Variants in NAV1 observed in about 807,000 individuals in gnomAD.
NAV1 encodes pore membrane and/or filament interacting like protein 3.
NAV1 carries 18 observed loss-of-function variants against 175.2 expected under a neutral mutation model. That is an observed-to-expected ratio of 0.10 (90% CI 0.07 to 0.15). The LOEUF is 0.15. Among genes scored for constraint, NAV1 ranks in the 10% least tolerant of loss-of-function variants. The pLI, the probability that NAV1 is intolerant of heterozygous loss-of-function variation, is 1.00. For synonymous variants in NAV1, 897 were observed against 978.7 expected (o/e 0.92, Z 1.56); for missense variants, 1,731 against 2,436.6 (o/e 0.71, Z 6.10).
intron 1 of NAV1, among the ~76,000 whole-genome samples, chr1:201,588,313 G>A (rs896537679): frequency 3.3e-5 from 5 of 152,080 alleles, no homozygotes; most frequent in Admixed American, 6.6e-5. Context: ...ATACACAAAA[G>A]CCCACGTATT....
chr1:201,641,894 C>T (rs1325135061), intron 2 of NAV1, among the ~76,000 whole-genome samples: 1 of 152,148 alleles, frequency 6.6e-6, no homozygotes. Context: ...ATCTCCCCTT[C>T]TCCCAAGGTC....
In NAV1 at chr1:201,771,163, C is replaced by T. The variant is rs148944627; in HGVS notation, c.1227-9258C>T. Among the ~76,000 whole-genome samples, 111 of 148,314 alleles carry T rather than the reference C, an allele frequency of 7.5e-4. 1 individual carries two copies. Among genetic ancestry groups the T allele is most frequent in the African/African-American group, 2.7e-3 (106 of 39,990 alleles). On this transcript the variant is annotated intron_variant, in intron 3 of 29. Transcript: ENST00000367296. The stretch of plus-strand genomic sequence containing the variant: ...CCTGCCCTCAAAACATCTGGTGACC[C>T]GGGAGGCAGAGCTTGCAGTGAGCCG...
intron 1 of NAV1, among the ~76,000 whole-genome samples, chr1:201,624,605 C>T (rs1419842106): frequency 1.3e-5 from 2 of 151,952 alleles, no homozygotes; most frequent in African/African-American, 4.8e-5. Flanking sequence ...CTCAGCCTCC[C>T]AAAGTGCTGG....
chr1:201,611,244 C>T (rs1667836754), intron 2 of NAV1, among the ~76,000 whole-genome samples: 1 of 152,120 alleles, frequency 6.6e-6, no homozygotes, highest in South Asian at 2.1e-4. Context: ...AGCTGAATGG[C>T]CCCCAGCTGG....
At position 201,649,269 on chromosome 1, in the gene NAV1, G is replaced by A. The variant is rs753588783; in HGVS notation, c.601G>A (p.Asp201Asn). 6 of 1,613,168 alleles carry A rather than the reference G, an allele frequency of 3.7e-6. No homozygotes were observed. Among genetic ancestry groups the A allele is most frequent in the South Asian group, 1.1e-5 (1 of 91,080 alleles). ...CGTGAGCGAAGATGGCAAATCGGACGACGAGCTGCTCTCCAGCAAGGCCAA... is the reference window on the plus strand; with the variant it reads ...CGTGAGCGAAGATGGCAAATCGGACAACGAGCTGCTCTCCAGCAAGGCCAA... Residue 201 changes from aspartate (D) to asparagine (N), a missense_variant, in exon 1 of 30, where the codon GAC (aspartate) becomes AAC (asparagine). This residue lies in a region of NAV1 where 487 missense variants were observed against 581.3 expected (regional missense o/e 0.84). Coordinates refer to ENST00000367296, the Ensembl canonical transcript of NAV1.
chr1:201,736,703 C>G (rs1303911279), intron 3 of NAV1, among the ~76,000 whole-genome samples: 1 of 152,164 alleles, frequency 6.6e-6, no homozygotes, highest in Non-Finnish European at 1.5e-5. Context: ...TTGTAAAGAG[C>G]TGCTGTGAGA....
In NAV1 at chr1:201,700,645, T is replaced by C. The variant is rs79133242; in HGVS notation, c.758-12172T>C. ...AAAGACACATGCACACATATGTTTA[T>C]TGTGGCACTATTCACAATAGCAAAG... On this transcript the variant is annotated intron_variant, in intron 1 of 29. Transcript: ENST00000367296. 3.3e-3 allele frequency among the ~76,000 whole-genome samples: 504 copies of C among 152,340 alleles called. 3 individuals are homozygous for C. In the East Asian group the frequency reaches 0.039, roughly 12 times the overall value.
chr1:201,628,389 G>A (rs755827328), intron 1 of NAV1, among the ~76,000 whole-genome samples: 2 of 152,146 alleles, frequency 1.3e-5, no homozygotes, highest in Admixed American at 6.5e-5. Context: ...GCCTTGAGGG[G>A]CATCTTTTCA....
upstream of NAV1, among the ~76,000 whole-genome samples, chr1:201,644,446 AG>A (rs752968324): frequency 1.2e-4 from 18 of 152,246 alleles, no homozygotes; most frequent in Non-Finnish European, 2.5e-4. Flanking sequence ...GGATGTGAAA[AG>A]AATCAAAAAA....
intron 1 of NAV1, among the ~76,000 whole-genome samples, chr1:201,584,759 G>A (rs16849058): frequency 0.048 from 7,344 of 152,264 alleles, 203 homozygotes; most frequent in Middle Eastern, 0.071. Flanking sequence ...CTCCACCAAG[G>A]CCTGGATTCT....
At chr1:201,629,191 C>G (rs1423546008) in intron 1 of NAV1, among the ~76,000 whole-genome samples, 1 of 152,216 alleles carries the variant, frequency 6.6e-6, no homozygotes, top group Non-Finnish European at 1.5e-5. Flanking sequence ...TCCTCTGGGG[C>G]TCCCTGCCTG....
At chr1:201,701,009 C>CAAAAAAAAAAAAAAAAAAAAA (rs386369321) in intron 1 of NAV1, among the ~76,000 whole-genome samples, 1 of 52,764 alleles carries the variant, frequency 1.9e-5, no homozygotes, top group Admixed American at 3.3e-4. Context: ...GACTCTGTCT[C>CAAAAAAAAAAAAAAAAAAAAA]AAAAAAAAAA....
At chr1:201,667,415 G>A (rs1571873089) in intron 1 of NAV1, among the ~76,000 whole-genome samples, 1 of 152,168 alleles carries the variant, frequency 6.6e-6, no homozygotes, top group Non-Finnish European at 1.5e-5. Flanking sequence ...GACCATGTCA[G>A]AGCCAGGTGG....
chr1:201,629,731 T>C (rs1158317954), intron 2 of NAV1, among the ~76,000 whole-genome samples: 1 of 152,184 alleles, frequency 6.6e-6, no homozygotes, highest in Non-Finnish European at 1.5e-5. Flanking sequence ...GGCCAGGGGA[T>C]GCCCAGGCTA....
chr1:201,812,389 A>T lies in NAV1; in HGVS notation c.5025-76A>T. On this transcript the variant is annotated intron_variant, in intron 26 of 29. Coordinates refer to ENST00000367296, the Ensembl canonical transcript of NAV1. This position sits in a 1 kb window ranked among gnomAD's most constrained non-coding sequence, Gnocchi z 4.6. ...TAGTGAGAAGCAGGCAGAAGGAGGGACAGACTGGCAGGGGCTGAACCCTGA... is the reference window on the plus strand; with the variant it reads ...TAGTGAGAAGCAGGCAGAAGGAGGGTCAGACTGGCAGGGGCTGAACCCTGA... 7.0e-7 allele frequency: 1 copy of T among 1,432,378 alleles called. No homozygotes were observed. Among genetic ancestry groups the T allele is most frequent in the East Asian group, 2.3e-5 (1 of 43,888 alleles). The allele number at this position is 1,432,378 out of a possible 1,614,324, so 88.7% of individuals were successfully genotyped here.
intron 1 of NAV1, chr1:201,673,426 A>G (rs1176532797): frequency 6.6e-6 from 1 of 152,222 alleles, no homozygotes; most frequent in Non-Finnish European, 1.5e-5. Flanking sequence ...AGCAGCCTCA[A>G]TTATTTACAG....
intron 3 of NAV1, chr1:201,724,922 T>C (rs1672539174): frequency 6.6e-6 from 1 of 152,642 alleles, no homozygotes; most frequent in Admixed American, 6.6e-5. Flanking sequence ...TGTCCTGACG[T>C]TGAAAAATGT....
intron 1 of NAV1, among the ~76,000 whole-genome samples, chr1:201,545,418 A>ATC (rs948373737): frequency 7.9e-5 from 12 of 151,482 alleles, no homozygotes; most frequent in Non-Finnish European, 1.3e-4. Flanking sequence ...TTGAGACAGA[A>ATC]TCTCTCTCTC....
At chr1:201,615,768 C>T (rs1158690395) in intron 2 of NAV1, among the ~76,000 whole-genome samples, 4 of 152,206 alleles carry the variant, frequency 2.6e-5, no homozygotes, top group African/African-American at 9.7e-5. Context: ...GATTCAAAAG[C>T]CTTTACTCTT....
Sources: gnomAD v4.1 joint callset for allele counts (sites outside exome capture counted in the v4.1 genomes callset) on GRCh38, gnomAD v4.1.1 for gene constraint, gnomAD v4.1.1 regional missense constraint, Gnocchi (gnomAD v3.1) non-coding constraint, MANE v1.5 for transcripts, NCBI Gene and HGNC (gene_info 2026-07-23, HGNC 2026-07-21) for gene names.